The following DLGAP2 variants were observed in gnomAD, a reference collection of about 807,000 sequenced individuals.
DLGAP2 encodes the protein DLG associated protein 2, also known as disks large-associated protein 2.
In DLGAP2, 26 loss-of-function variants were observed where a neutral mutation model predicts 100.3. That is an observed-to-expected ratio of 0.26 (90% confidence interval 0.19 to 0.36). The LOEUF is 0.36. Among genes scored for constraint, DLGAP2 ranks in the 10% least tolerant of loss-of-function variants. The probability of loss-of-function intolerance (pLI) is 1.00; values close to 1 mark genes in which losing one functional copy is unlikely to be tolerated. For synonymous variants in DLGAP2, 886 were observed against 630.1 expected, an observed-to-expected ratio of 1.41 and a Z score of -6.08; for missense variants, 1,858 against 1,453.2, an observed-to-expected ratio of 1.28 and a Z score of -4.53.
chr8:1,523,761 C>T (rs1037626876), intron 4 of DLGAP2, among the ~76,000 whole-genome samples: 14 of 152,316 alleles, frequency 9.2e-5, no homozygotes, highest in Non-Finnish European at 1.6e-4. Context: ...TCGTTACATC[C>T]CTAAAAGACA....
intron 2 of DLGAP2, among the ~76,000 whole-genome samples, chr8:1,048,685 G>A (rs1488335606): frequency 6.6e-6 from 1 of 151,986 alleles, no homozygotes; most frequent in African/African-American, 2.4e-5. Flanking sequence ...GTTTGAATGA[G>A]AAGAAGATGC....
At chr8:1,205,043 G>C (rs1016752437) in intron 2 of DLGAP2, among the ~76,000 whole-genome samples, 4 of 152,172 alleles carry the variant, frequency 2.6e-5, no homozygotes, top group African/African-American at 9.6e-5. Context: ...ATTAGGGCTG[G>C]TCTCTGCATC....
chr8:1,275,827 A>ATAAATAT (rs1799673366), intron 3 of DLGAP2, among the ~76,000 whole-genome samples: 1 of 44,604 alleles, frequency 2.2e-5, no homozygotes, highest in African/African-American at 9.0e-5. Context: ...AATATATAAA[A>ATAAATAT]ATAAATATAT....
At chr8:1,576,085 C>T (rs1457803649) in intron 6 of DLGAP2, among the ~76,000 whole-genome samples, 9 of 152,290 alleles carry the variant, frequency 5.9e-5, no homozygotes, top group Middle Eastern at 3.4e-3. Context: ...GTCCCACCAA[C>T]AGTGTAAAAG....
chr8:1,251,093 G>A (rs1456037573), intron 2 of DLGAP2, among the ~76,000 whole-genome samples: 2 of 152,156 alleles, frequency 1.3e-5, no homozygotes, highest in Non-Finnish European at 2.9e-5. Flanking sequence ...CCATGTTCAC[G>A]AGAACGTTAC....
chr8:1,026,363 C>T (rs76093332), intron 2 of DLGAP2, among the ~76,000 whole-genome samples: 1 of 152,270 alleles, frequency 6.6e-6, no homozygotes, highest in Non-Finnish European at 1.5e-5. Flanking sequence ...CATGGAAGCT[C>T]CACTTCACGG....
Position 1,206,708 on chromosome 8 carries a change from G to A in DLGAP2, c.74-52143G>A, listed in dbSNP as rs1477909341. Among the ~76,000 whole-genome samples, 29 of 152,044 alleles carry A rather than the reference G, an allele frequency of 1.9e-4. 1 individual carries two copies. The highest frequency in any genetic ancestry group is 4.1e-4 in the Non-Finnish European group (28 of 67,984). ...TCCACACCCTCCTGGTCTCCCGAGCGCCTGGCACAGTCCTTAGCTGCGTCC... is the reference window on the plus strand; with the variant it reads ...TCCACACCCTCCTGGTCTCCCGAGCACCTGGCACAGTCCTTAGCTGCGTCC... On this transcript the variant is annotated intron_variant, in intron 2 of 14. Coordinates refer to ENST00000637795, the MANE Select transcript of DLGAP2 (RefSeq NM_001346810.2).
At chr8:1,094,032 TG>T (rs1395972460) in intron 2 of DLGAP2, among the ~76,000 whole-genome samples, 1 of 148,700 alleles carries the variant, frequency 6.7e-6, no homozygotes, top group African/African-American at 2.5e-5. Context: ...TCGCGGTGGG[TG>T]GAGGGAGGGC....
intron 10 of DLGAP2, among the ~76,000 whole-genome samples, chr8:1,671,243 C>G (rs1478967108): frequency 2.6e-5 from 4 of 152,212 alleles, no homozygotes; most frequent in African/African-American, 9.6e-5. Context: ...CCCTCAGGAG[C>G]CTGCCCTGGT....
At chr8:935,376 A>G (rs1009809373) in intron 2 of DLGAP2, among the ~76,000 whole-genome samples, 9 of 152,142 alleles carry the variant, frequency 5.9e-5, no homozygotes, top group African/African-American at 2.2e-4. Flanking sequence ...CATGTAAAGC[A>G]TTTTACATGC....
chr8:1,650,068 C>G (rs938806824), intron 8 of DLGAP2, among the ~76,000 whole-genome samples: 1 of 152,208 alleles, frequency 6.6e-6, no homozygotes, highest in Admixed American at 6.5e-5. Flanking sequence ...CCAAGTCTTT[C>G]AGTGGCAGGA....
intron 2 of DLGAP2, chr8:1,002,763 A>G (rs1243270386): frequency 1.3e-5 from 2 of 152,358 alleles, no homozygotes; most frequent in African/African-American, 4.8e-5. Flanking sequence ...AGTGGCTGAC[A>G]GGAAGAGACT....
intron 4 of DLGAP2, among the ~76,000 whole-genome samples, chr8:1,536,565 T>G (rs935239289): frequency 1.3e-5 from 2 of 152,174 alleles, no homozygotes; most frequent in Admixed American, 6.5e-5. Flanking sequence ...ATGGACTTTG[T>G]GCTTCTGCGA....
chr8:1,509,848 T>C (rs1382927594), intron 4 of DLGAP2, among the ~76,000 whole-genome samples: 1 of 152,184 alleles, frequency 6.6e-6, no homozygotes, highest in African/African-American at 2.4e-5. Context: ...TCATCATTGC[T>C]CATACGCTGT....
rs562925316 is a variant in DLGAP2, at chr8:1,425,131, C to G, written c.107-76235C>G. ...TAAGGTAGTTTTTAAAATTATATTT[C>G]AGCACTGGGTGATATAAGGATTTTT... On this transcript the variant is annotated intron_variant, in intron 3 of 14. Coordinates refer to ENST00000637795, the MANE Select transcript of DLGAP2 (RefSeq NM_001346810.2). Among the ~76,000 whole-genome samples the G allele has an allele frequency of 4.6e-5, 7 of 152,274 alleles. No individual in the cohort carries two copies. The South Asian group carries it at 1.5e-3, about 32-fold the overall frequency.
chr8:1,266,690 C>G (rs1799457570), intron 3 of DLGAP2, among the ~76,000 whole-genome samples: 1 of 152,068 alleles, frequency 6.6e-6, no homozygotes, highest in Non-Finnish European at 1.5e-5. Context: ...ACGTTGAAGG[C>G]TTTACAATAA....
intron 2 of DLGAP2, among the ~76,000 whole-genome samples, chr8:1,012,849 C>T (rs1003047166): frequency 2.0e-5 from 3 of 151,812 alleles, no homozygotes; most frequent in Non-Finnish European, 2.9e-5. Context: ...CCACCCATCA[C>T]GATAAGCACG....
intron 3 of DLGAP2, among the ~76,000 whole-genome samples, chr8:1,429,331 C>G (rs1407378055): frequency 6.6e-6 from 1 of 152,104 alleles, no homozygotes; most frequent in Non-Finnish European, 1.5e-5. Context: ...ACTAAAAGTG[C>G]TGGGGCCATC....
chr8:1,331,819 G>T (rs1489340378), intron 3 of DLGAP2, among the ~76,000 whole-genome samples: 1 of 152,168 alleles, frequency 6.6e-6, no homozygotes, highest in Non-Finnish European at 1.5e-5. Context: ...TGGGATCTGT[G>T]AACAGGCAGG....
Sources: allele counts gnomAD v4.1 joint callset (sites outside exome capture counted in the v4.1 genomes callset), GRCh38; gene constraint gnomAD v4.1.1; transcripts MANE v1.5; gene names NCBI Gene and HGNC (gene_info 2026-07-23, HGNC 2026-07-21).